COL24A1: variants seen among roughly 807,000 people sequenced by gnomAD.
The protein encoded by COL24A1 is collagen type XXIV alpha 1 chain, also known as collagen alpha-1(XXIV) chain.
Under a neutral mutation model 253.9 loss-of-function variants are expected in COL24A1, and 224 were observed. The observed-to-expected ratio is 0.88, with a 90% CI of 0.79 to 0.99. The LOEUF (loss-of-function observed/expected upper bound fraction) is 0.99. Ranked by LOEUF, COL24A1 falls within the 50% of genes least tolerant of loss-of-function variation. The pLI is 0.00. For synonymous variants in COL24A1, 685 were observed against 673.7 expected (o/e 1.02, Z -0.26); for missense variants, 2,131 against 2,068.5 (o/e 1.03, Z -0.59).
At chr1:86,018,832 G>A (rs964912225) in intron 18 of COL24A1, among the ~76,000 whole-genome samples, 5 of 152,118 alleles carry the variant, frequency 3.3e-5, no homozygotes, top group Non-Finnish European at 7.4e-5. Flanking sequence ...AAAGGAAAGT[G>A]TATTTACGAA....
intron 55 of COL24A1, among the ~76,000 whole-genome samples, chr1:85,746,520 T>C (rs184708591): frequency 7.2e-5 from 11 of 152,230 alleles, no homozygotes; most frequent in Non-Finnish European, 1.3e-4. Context: ...TTAAATTATC[T>C]CAAAAATCCT....
chr1:85,854,860 C>G (rs991587592), intron 37 of COL24A1, among the ~76,000 whole-genome samples: 2 of 152,008 alleles, frequency 1.3e-5, no homozygotes, highest in South Asian at 4.2e-4. Context: ...TGCACCACCA[C>G]GCTCAGCTAA....
chr1:85,786,551 G>A (rs547368982), intron 47 of COL24A1, 90 bp from the exon 48 acceptor site: 14 of 1,135,502 alleles, frequency 1.2e-5, no homozygotes, highest in South Asian at 6.3e-5. Flanking sequence ...GTTGTGCCCC[G>A]AAAGGCGTCT....
chr1:86,129,357 T>A (rs1429035351), intron 2 of COL24A1, among the ~76,000 whole-genome samples: 1 of 151,608 alleles, frequency 6.6e-6, no homozygotes, highest in African/African-American at 2.4e-5. Flanking sequence ...TCATTTCAAA[T>A]GTATACAGCC....
chr1:85,773,987 G>A (rs1344759621), intron 53 of COL24A1, among the ~76,000 whole-genome samples: 1 of 152,094 alleles, frequency 6.6e-6, no homozygotes, highest in Non-Finnish European at 1.5e-5. Context: ...TGCCTATTCA[G>A]TATGATATTG....
At position 85,971,406 on chromosome 1, in the gene COL24A1, T is replaced by C; in HGVS notation, c.2365-13A>G. On this transcript the variant is annotated splice_polypyrimidine_tract_variant and intron_variant, in intron 20 of 59. Transcript: ENST00000370571. Reference sequence around the variant, plus strand: ...TTCCAAGGAGTCCCTATAAAAGCAATATAAATGCACACAATAGAAATTTTA... The same window carrying C: ...TTCCAAGGAGTCCCTATAAAAGCAACATAAATGCACACAATAGAAATTTTA... 8 of 1,601,762 alleles carry C rather than the reference T, an allele frequency of 5.0e-6. No individual in the cohort carries two copies. Among genetic ancestry groups the C allele is most frequent in the Non-Finnish European group, 6.0e-6 (7 of 1,172,988 alleles).
At chr1:86,129,901 A>G (rs1648899141) in intron 2 of COL24A1, among the ~76,000 whole-genome samples, 1 of 151,782 alleles carries the variant, frequency 6.6e-6, no homozygotes, top group African/African-American at 2.4e-5. Flanking sequence ...TGTTTATGTT[A>G]TTTATATCCT....
intron 22 of COL24A1, among the ~76,000 whole-genome samples, chr1:85,965,441 A>G (rs1691470073): frequency 6.6e-6 from 1 of 152,074 alleles, no homozygotes; most frequent in South Asian, 2.1e-4. Flanking sequence ...AGTTTTATTG[A>G]AAGTGTTTGT....
chr1:85,988,699 T>C (rs887839089), intron 19 of COL24A1, among the ~76,000 whole-genome samples: 1 of 152,056 alleles, frequency 6.6e-6, no homozygotes, highest in African/African-American at 2.4e-5. Context: ...TAAGTTGTAA[T>C]GGGAATAAAA....
intron 20 of COL24A1, among the ~76,000 whole-genome samples, chr1:85,982,382 A>C (rs183022290): frequency 6.6e-6 from 1 of 152,100 alleles, no homozygotes; most frequent in Non-Finnish European, 1.5e-5. Context: ...CAATACTGTA[A>C]ACAAATCAGT....
At chr1:85,866,407 G>C (rs36032923) in intron 37 of COL24A1, among the ~76,000 whole-genome samples, 1 of 152,032 alleles carries the variant, frequency 6.6e-6, no homozygotes, top group Non-Finnish European at 1.5e-5. Context: ...AACATCTATA[G>C]GTTATTGGGA....
chr1:86,020,359 C>G (rs78713898), intron 18 of COL24A1, among the ~76,000 whole-genome samples: 2 of 152,184 alleles, frequency 1.3e-5, no homozygotes, highest in Admixed American at 6.5e-5. Flanking sequence ...AGCCACCGCA[C>G]GTGGCCCTAA....
intron 7 of COL24A1, among the ~76,000 whole-genome samples, chr1:86,085,085 A>AT (rs1557556622): frequency 6.6e-6 from 1 of 152,172 alleles, no homozygotes; most frequent in East Asian, 1.9e-4. Flanking sequence ...GCCAACTCTG[A>AT]TTTTTTTGTC....
chr1:86,090,686 C>T (rs1248517620), intron 6 of COL24A1, among the ~76,000 whole-genome samples: 1 of 152,080 alleles, frequency 6.6e-6, no homozygotes, highest in African/African-American at 2.4e-5. Context: ...AGTACAATTT[C>T]TAACAGATCA....
At chr1:86,022,495 A>G (rs769261573) in intron 17 of COL24A1, 43 bp downstream of exon 17, 6 of 1,526,108 alleles carry the variant, frequency 3.9e-6, no homozygotes, top group South Asian at 1.2e-5. Flanking sequence ...TTTTGAATTT[A>G]CACTTTTTCA....
Position 85,965,030 on chromosome 1 carries a change from T to C in COL24A1, c.2496A>G (p.Glu832=). Residue 832 remains glutamate, a synonymous_variant, in exon 23 of 60, where the codon GAA becomes GAG. Transcript: ENST00000370571. ...GKPGQKGYAG[E]PGPEGLKGEV... ...TTACCTTTAAGCCTTCTGGTCCTGG[T>C]TCACCTGCATACCCCTTTTGACCTG... 1.9e-6 allele frequency: 3 copies of C among 1,611,458 alleles called. No individual in the cohort carries two copies. Among genetic ancestry groups the C allele is most frequent in the Admixed American group, 1.7e-5 (1 of 59,884 alleles).
intron 24 of COL24A1, among the ~76,000 whole-genome samples, chr1:85,932,444 C>T (rs1362706934): frequency 2.0e-4 from 22 of 108,658 alleles, no homozygotes; most frequent in Non-Finnish European, 3.5e-4. Flanking sequence ...ACAACAGGTG[C>T]TGGAGAGGAT....
intron 2 of COL24A1, among the ~76,000 whole-genome samples, chr1:86,135,819 T>A (rs1650152053): frequency 1.3e-5 from 2 of 152,066 alleles, no homozygotes; most frequent in Non-Finnish European, 2.9e-5. Flanking sequence ...TTTTTGTGTG[T>A]ACATTCTCAT....
At chr1:85,757,011 CAT>C (rs1443316427) in intron 55 of COL24A1, among the ~76,000 whole-genome samples, 1 of 152,110 alleles carries the variant, frequency 6.6e-6, no homozygotes, top group Non-Finnish European at 1.5e-5. Flanking sequence ...TAGTCGAATT[CAT>C]AGAGACAGAA....
Sources: gnomAD v4.1 joint callset for allele counts (sites outside exome capture counted in the v4.1 genomes callset) on GRCh38, gnomAD v4.1.1 for gene constraint, MANE v1.5 for transcripts, NCBI Gene and HGNC (gene_info 2026-07-23, HGNC 2026-07-21) for gene names.